The following CLEC2A variants were observed in gnomAD, a reference collection of about 807,000 sequenced individuals.
The protein encoded by CLEC2A is keratinocyte-associated C-type lectin.
A neutral mutation model predicts 18.6 loss-of-function variants in CLEC2A; 19 were observed. That is an observed-to-expected ratio of 1.02 (90% CI 0.71 to 1.50). The LOEUF (loss-of-function observed/expected upper bound fraction) is 1.50, where lower values mean the gene tolerates loss of function less well. CLEC2A is among the 40% of genes most tolerant of loss of function. The pLI, the probability that CLEC2A is intolerant of heterozygous loss-of-function variation, is 0.00. For synonymous variants in CLEC2A, 74 were observed against 64.0 expected (o/e 1.16, Z -0.75); for missense variants, 190 against 207.9 (o/e 0.91, Z 0.53).
the CLEC2A span, among the ~76,000 whole-genome samples, chr12:9,879,004 C>T: frequency 3.3e-5 from 5 of 152,204 alleles, no homozygotes; most frequent in Non-Finnish European, 7.4e-5. Flanking sequence ...CGGAATCAGG[C>T]TTTCTGATAT....
At chr12:9,897,149 C>T (rs569306569), downstream of CLEC2A, among the ~76,000 whole-genome samples, 9 of 152,180 alleles carry the variant, frequency 5.9e-5, no homozygotes, top group East Asian at 1.4e-3. Flanking sequence ...CATGAGCCAC[C>T]GTGTCTAGCC....
chr12:9,910,610 C>T (rs901284840), downstream of CLEC2A, among the ~76,000 whole-genome samples: 38 of 152,312 alleles, frequency 2.5e-4, no homozygotes, highest in African/African-American at 8.2e-4. Context: ...TAGTAGTGCT[C>T]GTTACCATTC....
intron 4 of CLEC2A, among the ~76,000 whole-genome samples, chr12:9,906,852 C>A (rs1352660600): frequency 1.3e-5 from 2 of 152,166 alleles, no homozygotes; most frequent in Non-Finnish European, 2.9e-5. Context: ...CATATGTGTT[C>A]TCTTTTTAGG....
In CLEC2A at chr12:9,922,210, T is replaced by G. The variant is rs1863185626; in HGVS notation, c.162A>C (p.Lys54Asn). 1.9e-6 allele frequency: 3 copies of G among 1,547,382 alleles called. No homozygotes were observed. Among genetic ancestry groups the G allele is most frequent in the Non-Finnish European group, 2.6e-6 (3 of 1,145,164 alleles). ...IMIATWSKHA[K>N]PVACSGDWLG... ...GCCAGTCCCCTGAACATGCCACAGG[T>G]TTAGCATGCTTGGACCATGTGGCTG... The change falls in exon 3 of 5, where the codon AAA becomes AAC. Residue 54 changes from lysine (K) to asparagine (N), a missense_variant. Coordinates refer to ENST00000455827, the MANE Select transcript of CLEC2A (RefSeq NM_001130711.2).
downstream of CLEC2A, among the ~76,000 whole-genome samples, chr12:9,898,350 T>C (rs1189589222): frequency 1.3e-5 from 2 of 152,202 alleles, no homozygotes; most frequent in African/African-American, 4.8e-5. Context: ...ACTCATCAGA[T>C]CACCACATCC....
Position 9,922,175 on chromosome 12 carries a change from C to G in CLEC2A, c.197G>C (p.Arg66Thr), listed in dbSNP as rs897068197. ...VACSGDWLGV[R>T]DKCFYFSDDT... Reference sequence around the variant, plus strand: ...ATCAGAAAAATAGAAACACTTATCTCTCACTCCAAGCCAGTCCCCTGAACA... The same window carrying G: ...ATCAGAAAAATAGAAACACTTATCTGTCACTCCAAGCCAGTCCCCTGAACA... The change falls in exon 3 of 5, where the codon AGA becomes ACA. Residue 66 changes from arginine to threonine, a missense_variant. Coordinates refer to ENST00000455827, the MANE Select transcript of CLEC2A (RefSeq NM_001130711.2). 4 of 1,551,094 alleles carry G rather than the reference C, an allele frequency of 2.6e-6. No homozygotes were observed. Among genetic ancestry groups the G allele is most frequent in the Non-Finnish European group, 2.6e-6 (3 of 1,146,756 alleles).
chr12:9,912,507 C>T (rs147597796), downstream of CLEC2A, among the ~76,000 whole-genome samples: 19 of 152,250 alleles, frequency 1.2e-4, no homozygotes, highest in Non-Finnish European at 1.5e-4. Context: ...TCATTTCATT[C>T]GCCTCTTCTC....
the CLEC2A span, among the ~76,000 whole-genome samples, chr12:9,891,836 T>A: frequency 7.2e-5 from 11 of 152,224 alleles, no homozygotes. Flanking sequence ...TAGCTGGACA[T>A]ATAGTTTAAT....
At chr12:9,930,667 G>A (rs900025827) in intron 1 of CLEC2A, among the ~76,000 whole-genome samples, 1 of 151,434 alleles carries the variant, frequency 6.6e-6, no homozygotes, top group Non-Finnish European at 1.5e-5. Flanking sequence ...TTCAGTTTGA[G>A]GTATTTGGCT....
the CLEC2A span, among the ~76,000 whole-genome samples, chr12:9,890,551 C>T: frequency 6.6e-6 from 1 of 152,170 alleles, no homozygotes; most frequent in East Asian, 1.9e-4. Flanking sequence ...CTCTTGTACA[C>T]CCTCCCGAAA....
At chr12:9,902,585 G>A (rs1418186635) in intron 4 of CLEC2A, among the ~76,000 whole-genome samples, 1 of 151,278 alleles carries the variant, frequency 6.6e-6, no homozygotes, top group East Asian at 1.9e-4. Context: ...CAACCCGCTC[G>A]GGTCCCCTTC....
chr12:9,927,033 G>A (rs1863283818), intron 1 of CLEC2A, among the ~76,000 whole-genome samples: 1 of 151,932 alleles, frequency 6.6e-6, no homozygotes, highest in Non-Finnish European at 1.5e-5. Flanking sequence ...GCGTGTATGT[G>A]TGTGTCTGTG....
chr12:9,928,787 A>G (rs1208976511), intron 1 of CLEC2A, among the ~76,000 whole-genome samples: 1 of 152,244 alleles, frequency 6.6e-6, no homozygotes, highest in Non-Finnish European at 1.5e-5. Flanking sequence ...GAATAAAACC[A>G]CAATGGAATA....
At chr12:9,912,498 C>T (rs764796273), downstream of CLEC2A, among the ~76,000 whole-genome samples, 16 of 152,166 alleles carry the variant, frequency 1.1e-4, no homozygotes, top group Non-Finnish European at 1.9e-4. Context: ...TTCGAGTCCT[C>T]ATTTCATTCG....
the CLEC2A span, among the ~76,000 whole-genome samples, chr12:9,886,992 G>A: frequency 9.2e-5 from 14 of 151,712 alleles, no homozygotes; most frequent in South Asian, 2.1e-4. Flanking sequence ...CAAATATCCC[G>A]GAGCACAGAG....
chr12:9,931,878 T>C (rs2137062372), intron 1 of CLEC2A, among the ~76,000 whole-genome samples: 1 of 152,376 alleles, frequency 6.6e-6, no homozygotes, highest in South Asian at 2.1e-4. Flanking sequence ...TGGCCTTAGC[T>C]GAATCTTAAA....
chr12:9,892,903 C>A, the CLEC2A span: 26 of 775,754 alleles, frequency 3.4e-5, no homozygotes, highest in African/African-American at 1.3e-4. Flanking sequence ...TTTTATTGAC[C>A]AAAAAAAAAA....
At position 9,913,615 on chromosome 12, in the gene CLEC2A, C is replaced by T. The variant is rs1435244963; in HGVS notation, c.476G>A (p.Gly159Glu). The T allele has an allele frequency of 1.3e-6, 2 of 1,549,730 alleles. No individual in the cohort carries two copies. The highest frequency in any genetic ancestry group is 1.2e-5 in the South Asian group (1 of 83,918). ...LSADGVHSSR[G>E]FIDIKWICSK... Reference sequence around the variant, plus strand: ...GCAAATCCACTTGATATCAATAAATCCTCTGGAACTATGGACTCCATCAGC... The same window carrying T: ...GCAAATCCACTTGATATCAATAAATTCTCTGGAACTATGGACTCCATCAGC... Residue 159 changes from glycine to glutamate, a missense_variant, in exon 5 of 5, where the codon GGA becomes GAA. Transcript: ENST00000455827.
intron 4 of CLEC2A, among the ~76,000 whole-genome samples, chr12:9,905,082 T>C (rs1241135073): frequency 6.6e-6 from 1 of 152,202 alleles, no homozygotes; most frequent in Non-Finnish European, 1.5e-5. Flanking sequence ...GTCACATTGA[T>C]GACGAGGTGA....
Sources: allele counts gnomAD v4.1 joint callset (sites outside exome capture counted in the v4.1 genomes callset), GRCh38; gene constraint gnomAD v4.1.1; transcripts MANE v1.5; gene names NCBI Gene and HGNC (gene_info 2026-07-23, HGNC 2026-07-21).